The following PRR5L variants were observed in gnomAD, a reference collection of about 807,000 sequenced individuals.
The protein encoded by PRR5L is proline rich 5 like.
A neutral mutation model predicts 36.4 loss-of-function variants in PRR5L; 21 were observed. That is an observed-to-expected ratio of 0.58 (90% CI 0.41 to 0.83). PRR5L has a LOEUF of 0.83. PRR5L is among the 40% of genes least tolerant of loss of function. PRR5L has a pLI of 0.00. For missense variants in PRR5L, 381 were observed against 473.3 expected (o/e 0.80, Z 1.81); for synonymous variants, 188 against 197.0 (o/e 0.95, Z 0.38).
At chr11:36,420,795 T>G (rs77858653) in intron 4 of PRR5L, among the ~76,000 whole-genome samples, 10,714 of 151,216 alleles carry the variant, frequency 0.071, 381 homozygotes, top group African/African-American at 0.087. Context: ...AGCTTAAACT[T>G]TTATGTGCAC....
chr11:36,368,174 A>G (rs1857163504), intron 1 of PRR5L, among the ~76,000 whole-genome samples: 2 of 152,192 alleles, frequency 1.3e-5, no homozygotes. Flanking sequence ...TATTGAAATC[A>G]TGGAGAATTA....
intron 1 of PRR5L, chr11:36,376,704 G>C (rs1019253609): frequency 2.0e-6 from 2 of 989,020 alleles, no homozygotes; most frequent in African/African-American, 3.5e-5. Flanking sequence ...ACCCCAAGGA[G>C]GTGAGTGGTG....
intron 1 of PRR5L, among the ~76,000 whole-genome samples, chr11:36,299,361 T>C (rs988977613): frequency 6.6e-6 from 1 of 152,188 alleles, no homozygotes; most frequent in Admixed American, 6.5e-5. Flanking sequence ...GGGTGGGTAG[T>C]GGGCAATTGG....
chr11:36,325,325 C>T (rs1285773722), intron 1 of PRR5L, among the ~76,000 whole-genome samples: 1 of 152,240 alleles, frequency 6.6e-6, no homozygotes. Context: ...CCTGCTGGAT[C>T]TGGAGGGTTG....
intron 1 of PRR5L, among the ~76,000 whole-genome samples, chr11:36,379,630 G>A (rs1178936169): frequency 6.6e-6 from 1 of 152,158 alleles, no homozygotes; most frequent in African/African-American, 2.4e-5. Flanking sequence ...AATATTATGG[G>A]GTTTGGAATT....
intron 1 of PRR5L, among the ~76,000 whole-genome samples, chr11:36,325,223 C>T (rs573157023): frequency 4.7e-4 from 72 of 152,322 alleles, no homozygotes; most frequent in Non-Finnish European, 1.8e-4. Context: ...ACGACCAACC[C>T]GGGCACTTAA....
intron 1 of PRR5L, chr11:36,321,147 T>C (rs769997209): frequency 2.0e-5 from 3 of 152,238 alleles, no homozygotes; most frequent in Non-Finnish European, 4.4e-5. Context: ...CATTCAGTTA[T>C]AACAACAGGC....
intron 1 of PRR5L, chr11:36,301,202 A>C (rs1856372807): frequency 6.5e-6 from 1 of 153,516 alleles, no homozygotes; most frequent in Non-Finnish European, 1.4e-5. Flanking sequence ...AGGGGTCAGA[A>C]GAGGGAGGAG....
chr11:36,312,688 A>G (rs535177541), intron 1 of PRR5L, among the ~76,000 whole-genome samples: 32 of 152,378 alleles, frequency 2.1e-4, no homozygotes, highest in African/African-American at 7.7e-4. Flanking sequence ...CTTCCCTTGT[A>G]AAACAGGAAT....
intron 4 of PRR5L, chr11:36,425,531 TA>T (rs1590573973): frequency 6.6e-6 from 1 of 152,348 alleles, no homozygotes; most frequent in East Asian, 1.9e-4. Context: ...TTCTTCCTTA[TA>T]AACATAACCT....
chr11:36,356,080 T>C (rs1021788295), intron 1 of PRR5L, among the ~76,000 whole-genome samples: 13 of 151,540 alleles, frequency 8.6e-5, no homozygotes, highest in African/African-American at 3.2e-4. Flanking sequence ...CTCAGCTAAT[T>C]TTTGTATTTT....
intron 4 of PRR5L, among the ~76,000 whole-genome samples, chr11:36,420,145 C>T (rs888903622): frequency 3.9e-5 from 6 of 152,222 alleles, no homozygotes; most frequent in East Asian, 1.9e-4. Context: ...ACTGACTGGA[C>T]GGCACCTTAG....
At chr11:36,378,072 G>A (rs1002299790) in intron 1 of PRR5L, among the ~76,000 whole-genome samples, 5 of 152,164 alleles carry the variant, frequency 3.3e-5, no homozygotes, top group African/African-American at 9.7e-5. Flanking sequence ...CCTGACCACC[G>A]TAGAAATTTG....
At chr11:36,324,837 C>T (rs982938581) in intron 1 of PRR5L, among the ~76,000 whole-genome samples, 2 of 152,152 alleles carry the variant, frequency 1.3e-5, no homozygotes, top group African/African-American at 4.8e-5. Flanking sequence ...TATATCTTTT[C>T]ATTCTCTTAA....
intron 1 of PRR5L, chr11:36,375,926 C>T (rs896835542): frequency 1.4e-4 from 46 of 323,282 alleles, no homozygotes; most frequent in Non-Finnish European, 2.6e-4. Flanking sequence ...TTCCAGGCTC[C>T]ACTCCTCTCT....
chr11:36,417,686 C>T (rs774879643), intron 3 of PRR5L, among the ~76,000 whole-genome samples: 8 of 152,228 alleles, frequency 5.3e-5, no homozygotes, highest in Non-Finnish European at 1.0e-4. Context: ...TAATTCAAAT[C>T]ATGGGTGGTT....
chr11:36,443,570 TAAG>T (rs1439329312), intron 6 of PRR5L, among the ~76,000 whole-genome samples: 1 of 152,168 alleles, frequency 6.6e-6, no homozygotes, highest in Admixed American at 6.5e-5. Flanking sequence ...ACAGGAGTGT[TAAG>T]AAGAGTAAGT....
At chr11:36,395,266 A>T (rs1029286324) in intron 1 of PRR5L, among the ~76,000 whole-genome samples, 1 of 152,276 alleles carries the variant, frequency 6.6e-6, no homozygotes, top group Non-Finnish European at 1.5e-5. Flanking sequence ...ACCATTAAAC[A>T]TAATAAAGTA....
chr11:36,406,498 C>T (rs1180658361), intron 3 of PRR5L, among the ~76,000 whole-genome samples: 3 of 152,200 alleles, frequency 2.0e-5, no homozygotes, highest in East Asian at 1.9e-4. Context: ...CAGGCATTGA[C>T]GTGACCTGGA....
Sources: gnomAD v4.1 joint callset for allele counts (sites outside exome capture counted in the v4.1 genomes callset) on GRCh38, gnomAD v4.1.1 for gene constraint, MANE v1.5 for transcripts, NCBI Gene and HGNC (gene_info 2026-07-23, HGNC 2026-07-21) for gene names.